CNTNAP2: variants seen among roughly 807,000 people sequenced by gnomAD.
CNTNAP2 encodes the protein contactin-associated protein-like 2.
A neutral mutation model predicts 155.2 loss-of-function variants in CNTNAP2; 98 were observed. The observed-to-expected ratio is 0.63, with a 90% confidence interval of 0.54 to 0.75. The LOEUF is 0.75. Ranked by LOEUF, CNTNAP2 falls within the 30% of genes least tolerant of loss-of-function variation. The pLI, the probability that CNTNAP2 is intolerant of heterozygous loss-of-function variation, is 0.00. For synonymous variants in CNTNAP2, 651 were observed against 631.2 expected (o/e 1.03, Z -0.47); for missense variants, 1,727 against 1,688.1 (o/e 1.02, Z -0.40).
chr7:148,229,716 C>T lies in CNTNAP2; in HGVS notation c.3318C>T (p.Asn1106=), dbSNP rs1225204353. 6.2e-7 allele frequency: 1 copy of T among 1,614,024 alleles called. No individual in the cohort carries two copies. The highest frequency in any genetic ancestry group is 1.3e-5 in the African/African-American group (1 of 74,928). ...ACAATATTGACGTAGACCACAGGAACATGGCCAATGGACAGCCCCACAGTG... is the reference window on the plus strand; with the variant it reads ...ACAATATTGACGTAGACCACAGGAATATGGCCAATGGACAGCCCCACAGTG... ...EPYNIDVDHR[N]MANGQPHSVN... Residue 1106 remains asparagine, a synonymous_variant, in exon 20 of 24, where the codon AAC becomes AAT. Coordinates refer to ENST00000361727, the MANE Select transcript of CNTNAP2 (RefSeq NM_014141.6).
chr7:148,282,786 G>C (rs188452696), intron 21 of CNTNAP2, among the ~76,000 whole-genome samples: 116 of 152,186 alleles, frequency 7.6e-4, no homozygotes, highest in African/African-American at 2.7e-3. Flanking sequence ...AATGTGATGA[G>C]AGATCAGAAG....
chr7:147,448,267 C>T (rs1797775489), intron 10 of CNTNAP2, among the ~76,000 whole-genome samples: 1 of 151,976 alleles, frequency 6.6e-6, no homozygotes, highest in Non-Finnish European at 1.5e-5. Context: ...GAGGAATTAT[C>T]TGGAGAGTGC....
Position 147,028,497 on chromosome 7 carries a change from G to T in CNTNAP2, c.403-15410G>T, listed in dbSNP as rs1798964724. Among the ~76,000 whole-genome samples the T allele has an allele frequency of 2.6e-5, 4 of 152,278 alleles. No homozygotes were observed. The South Asian group carries it at 8.3e-4, about 32-fold the overall frequency. ...CCGAGAGAGATGTTAAGGAATACAGGGGCACCGTAGAGGTATAGCTAATGG... is the reference window on the plus strand; with the variant it reads ...CCGAGAGAGATGTTAAGGAATACAGTGGCACCGTAGAGGTATAGCTAATGG... On this transcript the variant is annotated intron_variant, in intron 3 of 23. Transcript: ENST00000361727.
chr7:148,005,018 C>T (rs1801950301), intron 15 of CNTNAP2, among the ~76,000 whole-genome samples: 1 of 152,214 alleles, frequency 6.6e-6, no homozygotes, highest in Non-Finnish European at 1.5e-5. Context: ...GTACTATCCC[C>T]ATATTCACAG....
intron 13 of CNTNAP2, among the ~76,000 whole-genome samples, chr7:147,689,439 A>G (rs141998692): frequency 0.017 from 2,515 of 152,182 alleles, 225 homozygotes; most frequent in Admixed American, 0.15. Flanking sequence ...GTGAGCCACT[A>G]TGCCCGGTCT....
intron 13 of CNTNAP2, among the ~76,000 whole-genome samples, chr7:147,835,590 A>G (rs12532641): frequency 0.011 from 1,691 of 152,310 alleles, 96 homozygotes; most frequent in Admixed American, 0.091. Context: ...AATAATAATG[A>G]TTGGAAATCA....
chr7:146,627,439 A>G (rs1392587499), intron 1 of CNTNAP2, among the ~76,000 whole-genome samples: 2 of 152,180 alleles, frequency 1.3e-5, no homozygotes, highest in African/African-American at 4.8e-5. Context: ...TACTGTATCT[A>G]GAAAAGAAAA....
At chr7:146,292,473 A>C (rs903455386) in intron 1 of CNTNAP2, among the ~76,000 whole-genome samples, 2 of 152,220 alleles carry the variant, frequency 1.3e-5, no homozygotes, top group Admixed American at 6.5e-5. Context: ...AAAAGAAACA[A>C]GAGAACAAGT....
At chr7:147,069,446 A>G (rs1197793162) in intron 4 of CNTNAP2, among the ~76,000 whole-genome samples, 2 of 152,354 alleles carry the variant, frequency 1.3e-5, no homozygotes, top group East Asian at 3.9e-4. Flanking sequence ...CCCAGAGGCA[A>G]GGACATATAG....
At chr7:147,414,291 G>T (rs2116494023) in intron 10 of CNTNAP2, among the ~76,000 whole-genome samples, 1 of 152,088 alleles carries the variant, frequency 6.6e-6, no homozygotes, top group South Asian at 2.1e-4. Context: ...GGGCTCTGTG[G>T]CAGGTGACTG....
intron 13 of CNTNAP2, among the ~76,000 whole-genome samples, chr7:147,834,747 CATAA>C (rs1257869858): frequency 2.6e-5 from 4 of 152,228 alleles, no homozygotes; most frequent in African/African-American, 9.6e-5. Flanking sequence ...TAATTTTTGT[CATAA>C]ATAAATACAG....
intron 13 of CNTNAP2, among the ~76,000 whole-genome samples, chr7:147,883,758 C>A (rs887152799): frequency 6.6e-6 from 1 of 151,914 alleles, no homozygotes; most frequent in Non-Finnish European, 1.5e-5. Context: ...TCTCTTTTTT[C>A]TTTTTTTAAA....
intron 11 of CNTNAP2, among the ~76,000 whole-genome samples, chr7:147,555,804 G>T (rs1799941240): frequency 1.3e-5 from 2 of 152,210 alleles, no homozygotes; most frequent in South Asian, 4.1e-4. Context: ...ACGAGGAGTA[G>T]ACAGGTGTGG....
chr7:146,664,321 C>A (rs10233897), intron 1 of CNTNAP2, among the ~76,000 whole-genome samples: 1 of 151,742 alleles, frequency 6.6e-6, no homozygotes, highest in African/African-American at 2.4e-5. Context: ...GCCACCATGC[C>A]GGGCTAATTT....
intron 8 of CNTNAP2, among the ~76,000 whole-genome samples, chr7:147,154,399 T>C (rs1801883298): frequency 6.6e-6 from 1 of 152,212 alleles, no homozygotes; most frequent in Admixed American, 6.5e-5. Context: ...TACAAAATTA[T>C]GGAGTGCTTT....
chr7:147,851,840 C>T (rs1196073421), intron 13 of CNTNAP2, among the ~76,000 whole-genome samples: 1 of 151,982 alleles, frequency 6.6e-6, no homozygotes, highest in Non-Finnish European at 1.5e-5. Flanking sequence ...AGCACACCAA[C>T]ATGGCACATG....
chr7:147,453,309 C>T (rs556531078), intron 10 of CNTNAP2, among the ~76,000 whole-genome samples: 23 of 152,218 alleles, frequency 1.5e-4, no homozygotes, highest in Non-Finnish European at 2.6e-4. Context: ...TCAGAGACAC[C>T]GGCCTTCCTG....
intron 2 of CNTNAP2, among the ~76,000 whole-genome samples, chr7:146,784,618 G>A (rs1000960068): frequency 6.6e-6 from 1 of 152,142 alleles, no homozygotes; most frequent in African/African-American, 2.4e-5. Flanking sequence ...GACATCTTGG[G>A]CCACTTCCTA....
At chr7:148,257,776 C>T (rs1437984270) in intron 20 of CNTNAP2, among the ~76,000 whole-genome samples, 6 of 152,122 alleles carry the variant, frequency 3.9e-5, no homozygotes, top group African/African-American at 1.4e-4. Flanking sequence ...TCGATGTGGT[C>T]TGGGAGGATG....
Sources: gnomAD v4.1 joint callset for allele counts (sites outside exome capture counted in the v4.1 genomes callset) on GRCh38, gnomAD v4.1.1 for gene constraint, MANE v1.5 for transcripts, NCBI Gene and HGNC (gene_info 2026-07-23, HGNC 2026-07-21) for gene names.